Variants in KIF3C observed in about 807,000 individuals in gnomAD.
KIF3C encodes kinesin-like protein KIF3C.
KIF3C carries 12 observed loss-of-function variants against 67.7 expected under a neutral mutation model. The observed-to-expected ratio is 0.18, with a 90% CI of 0.11 to 0.29. The LOEUF (loss-of-function observed/expected upper bound fraction) is 0.29. KIF3C is among the 10% of genes least tolerant of loss of function. The probability of loss-of-function intolerance (pLI) is 1.00; values close to 1 mark genes in which losing one functional copy is unlikely to be tolerated. For missense variants in KIF3C, 789 were observed against 1,059.6 expected (o/e 0.74, Z 3.55); for synonymous variants, 393 against 426.2 (o/e 0.92, Z 0.96).
intron 5 of KIF3C, among the ~76,000 whole-genome samples, chr2:25,933,070 G>C (rs1454323281): frequency 6.6e-6 from 1 of 152,048 alleles, no homozygotes; most frequent in African/African-American, 2.4e-5. Context: ...GGGCAACATG[G>C]TGAAACCCCG....
At chr2:25,945,848 G>A (rs1663418520) in intron 5 of KIF3C, among the ~76,000 whole-genome samples, 1 of 152,158 alleles carries the variant, frequency 6.6e-6, no homozygotes. Context: ...GGTGGCTCAC[G>A]CCTGTAAATC....
intron 1 of KIF3C, among the ~76,000 whole-genome samples, chr2:25,963,193 TA>T (rs1346585071): frequency 3.7e-4 from 21 of 56,610 alleles, no homozygotes; most frequent in African/African-American, 1.9e-3. Flanking sequence ...TATATATATA[TA>T]TATTTTTTTT....
chr2:25,963,194 A>T lies in KIF3C; in HGVS notation c.1546-6750T>A, dbSNP rs1431615514. 1.1e-3 allele frequency among the ~76,000 whole-genome samples: 56 copies of T among 52,846 alleles called. 1 individual carries two copies. Among genetic ancestry groups the T allele is most frequent in the South Asian group, 1.7e-3 (3 of 1,804 alleles). 34.7% of individuals were successfully genotyped at this position (52,846 alleles called of 152,430 possible). A position where few individuals can be genotyped will look rare whatever the true frequency, so the allele number is the denominator to read the frequency against. ...TGTGTGTATATATATATATATATATATATTTTTTTTTTTTTTTTTTTTTTT... is the reference window on the plus strand; with the variant it reads ...TGTGTGTATATATATATATATATATTTATTTTTTTTTTTTTTTTTTTTTTT... On this transcript the variant is annotated intron_variant, in intron 1 of 7. Transcript: ENST00000264712.
At position 25,955,335 on chromosome 2, in the gene KIF3C, C is replaced by T. The variant is rs530148219; in HGVS notation, c.1770+206G>A. ...ACAGAGTTTGCAGCCTGTCATAGCC[C>T]ACCCTGGCCCAGGAGAAAAGGCTCT... is the stretch of plus-strand genomic sequence containing the variant. On this transcript the variant is annotated intron_variant, in intron 3 of 7. Transcript: ENST00000264712. This position sits in a 1 kb window ranked among gnomAD's most constrained non-coding sequence, Gnocchi z 5.0. Among the ~76,000 whole-genome samples, 18 of 152,228 alleles carry T rather than the reference C, an allele frequency of 1.2e-4. No homozygotes were observed. The highest frequency in any genetic ancestry group is 3.9e-4 in the African/African-American group (16 of 41,538).
intron 1 of KIF3C, among the ~76,000 whole-genome samples, chr2:25,969,724 G>GT (rs112949241): frequency 1.0e-3 from 99 of 95,170 alleles, no homozygotes; most frequent in Admixed American, 1.1e-3. Flanking sequence ...TTGGGTTTTT[G>GT]TTTTTTTTTT....
At chr2:25,948,085 G>A (rs1663493410) in intron 5 of KIF3C, among the ~76,000 whole-genome samples, 1 of 152,122 alleles carries the variant, frequency 6.6e-6, no homozygotes, top group Non-Finnish European at 1.5e-5. Flanking sequence ...AGCTGGCCAT[G>A]GTGGCGACTG....
At chr2:25,954,462 G>A in intron 3 of KIF3C, 77 bp from the exon 4 acceptor site, 1 of 1,086,132 alleles carries the variant, frequency 9.2e-7, no homozygotes, top group Non-Finnish European at 1.4e-6. Flanking sequence ...GGGCCGCAGG[G>A]CTGCAGGCTC....
At chr2:25,937,793 C>T (rs13418479) in intron 5 of KIF3C, among the ~76,000 whole-genome samples, 2,668 of 152,130 alleles carry the variant, frequency 0.018, 79 homozygotes, top group African/African-American at 0.06. Context: ...GCTCACGGCA[C>T]GCCTGTAATC....
At position 25,929,993 on chromosome 2, in the gene KIF3C, G is replaced by T. The variant is rs142549941; in HGVS notation, c.2077C>A (p.Arg693=). ...TGGGACCCCATTGCCATGGCAACCC[G>T]AGCATACTGGCTGATAGGCCTCTTG... ...GYKRPISQYA[R]VAMAMGSHPR... The change falls in exon 6 of 8, where the codon CGG becomes AGG. Residue 693 remains arginine (R), a synonymous_variant. Coordinates refer to ENST00000264712, the MANE Select transcript of KIF3C (RefSeq NM_002254.8). 1.8e-3 allele frequency: 2,845 copies of T among 1,614,044 alleles called. 10 individuals are homozygous for T. Among genetic ancestry groups the T allele is most frequent in the Middle Eastern group, 0.011 (69 of 6,060 alleles).
At chr2:25,946,818 C>T (rs1280676766) in intron 5 of KIF3C, among the ~76,000 whole-genome samples, 1 of 151,866 alleles carries the variant, frequency 6.6e-6, no homozygotes, top group Non-Finnish European at 1.5e-5. Flanking sequence ...CGCGCCACTG[C>T]ACTCTAGCCT....
intron 1 of KIF3C, among the ~76,000 whole-genome samples, chr2:25,970,740 G>A (rs76081861): frequency 0.055 from 8,202 of 150,290 alleles, 521 homozygotes; most frequent in African/African-American, 0.15. Flanking sequence ...AGAAATGGTA[G>A]CTATCATTAT....
intron 5 of KIF3C, among the ~76,000 whole-genome samples, chr2:25,949,117 T>C (rs1248915604): frequency 6.6e-6 from 1 of 152,214 alleles, no homozygotes; most frequent in Non-Finnish European, 1.5e-5. Flanking sequence ...GGAACACGAA[T>C]GTTCTCATTT....
chr2:25,969,120 G>A (rs1384135512), intron 1 of KIF3C, among the ~76,000 whole-genome samples: 6 of 152,094 alleles, frequency 3.9e-5, no homozygotes, highest in African/African-American at 9.7e-5. Context: ...CACCGCGTCC[G>A]GTCAGGAATC....
At chr2:25,954,696 T>A (rs1020505103) in intron 3 of KIF3C, among the ~76,000 whole-genome samples, 6 of 152,260 alleles carry the variant, frequency 3.9e-5, no homozygotes, top group Admixed American at 3.9e-4. Context: ...CCTCCTTTCA[T>A]AGATGAGGAA....
chr2:25,935,105 A>G (rs181746538), intron 5 of KIF3C, among the ~76,000 whole-genome samples: 84 of 152,134 alleles, frequency 5.5e-4, no homozygotes, highest in African/African-American at 1.9e-3. Flanking sequence ...TTAGCCGGGC[A>G]TGGTGGCTCA....
At chr2:25,971,414 TG>T (rs774356027) in intron 1 of KIF3C, among the ~76,000 whole-genome samples, 48 of 149,188 alleles carry the variant, frequency 3.2e-4, no homozygotes, top group Non-Finnish European at 6.2e-4. Context: ...TACTCCAGCC[TG>T]GTGACAGAGA....
rs191483836 is a variant in KIF3C at position 25,979,303 on chromosome 2, C to T, written c.1545+1070G>A. Among the ~76,000 whole-genome samples the T allele has an allele frequency of 3.7e-4, 56 of 152,086 alleles. 1 individual carries two copies. Among genetic ancestry groups the T allele is most frequent in the Non-Finnish European group, 6.6e-4 (45 of 67,988 alleles). Reference sequence around the variant, plus strand: ...AGCCCCATTAGAGCCTGGAAGGTCCCGGGGGTGAGGAAACAGCTCAGGAAG... The same window carrying T: ...AGCCCCATTAGAGCCTGGAAGGTCCTGGGGGTGAGGAAACAGCTCAGGAAG... On this transcript the variant is annotated intron_variant, in intron 1 of 7. Transcript: ENST00000264712.
intron 7 of KIF3C, 98 bp from the exon 8 acceptor site, chr2:25,929,169 T>C: frequency 1.4e-6 from 2 of 1,385,896 alleles, no homozygotes; most frequent in Non-Finnish European, 2.0e-6. Context: ...GCTGCAGGAA[T>C]CCTTCTGACA....
intron 3 of KIF3C, among the ~76,000 whole-genome samples, chr2:25,954,652 G>A (rs758492180): frequency 1.3e-5 from 2 of 152,194 alleles, no homozygotes; most frequent in African/African-American, 2.4e-5. Context: ...ATGTTCAAAC[G>A]GGAGGGGACC....
Sources: gnomAD v4.1 joint callset for allele counts (sites outside exome capture counted in the v4.1 genomes callset) on GRCh38, gnomAD v4.1.1 for gene constraint, Gnocchi (gnomAD v3.1) non-coding constraint, MANE v1.5 for transcripts, NCBI Gene and HGNC (gene_info 2026-07-23, HGNC 2026-07-21) for gene names.